The following CTNNA3 variants were observed in gnomAD, a reference collection of about 807,000 sequenced individuals.
The protein encoded by CTNNA3 is catenin alpha 3.
In CTNNA3, 76 loss-of-function variants were observed where a neutral mutation model predicts 95.7. That is an observed-to-expected ratio of 0.79 (90% CI 0.66 to 0.96). The LOEUF (loss-of-function observed/expected upper bound fraction) is 0.96, where lower values mean the gene tolerates loss of function less well. CTNNA3 is among the 40% of genes least tolerant of loss of function. CTNNA3 has a pLI of 0.00. For missense variants in CTNNA3, 1,191 were observed against 1,089.8 expected (o/e 1.09, Z -1.31); for synonymous variants, 431 against 374.4 (o/e 1.15, Z -1.74).
intron 13 of CTNNA3, among the ~76,000 whole-genome samples, chr10:66,270,841 G>A (rs1476679050): frequency 2.0e-5 from 3 of 152,158 alleles, no homozygotes; most frequent in East Asian, 3.9e-4. Flanking sequence ...GCCTGTCTGA[G>A]GAATTAGGGG....
chr10:66,487,418 G>T (rs891711594), intron 11 of CTNNA3, among the ~76,000 whole-genome samples: 1 of 151,610 alleles, frequency 6.6e-6, no homozygotes, highest in Non-Finnish European at 1.5e-5. Context: ...AGCCAGGATG[G>T]TCTCGATCTC....
intron 5 of CTNNA3, among the ~76,000 whole-genome samples, chr10:67,288,563 A>G (rs954552913): frequency 6.6e-6 from 1 of 152,224 alleles, no homozygotes; most frequent in African/African-American, 2.4e-5. Context: ...ATGTGGAACA[A>G]ACCAGCTTCC....
intron 7 of CTNNA3, among the ~76,000 whole-genome samples, chr10:66,971,771 A>C (rs144324967): frequency 1.3e-5 from 2 of 152,302 alleles, no homozygotes; most frequent in Non-Finnish European, 2.9e-5. Context: ...TACCATAAAC[A>C]TAATTTATTT....
At chr10:66,644,302 CTCTCTATATA>C (rs1564589862) in intron 9 of CTNNA3, among the ~76,000 whole-genome samples, 1 of 85,604 alleles carries the variant, frequency 1.2e-5, no homozygotes, top group African/African-American at 5.4e-5. Context: ...GTCTCTCTCT[CTCTCTATATA>C]TATATATATA....
chr10:67,092,835 T>C (rs1431829244), intron 7 of CTNNA3, among the ~76,000 whole-genome samples: 1 of 152,020 alleles, frequency 6.6e-6, no homozygotes, highest in Non-Finnish European at 1.5e-5. Context: ...GCAAATATCA[T>C]TGATGTCAAG....
At chr10:66,274,485 T>G (rs997494290) in intron 13 of CTNNA3, among the ~76,000 whole-genome samples, 1 of 152,170 alleles carries the variant, frequency 6.6e-6, no homozygotes, top group Non-Finnish European at 1.5e-5. Flanking sequence ...TAGAAATGTT[T>G]GGCAAACAGT....
chr10:67,237,808 T>G (rs2132323356), intron 5 of CTNNA3, among the ~76,000 whole-genome samples: 1 of 152,258 alleles, frequency 6.6e-6, no homozygotes, highest in Middle Eastern at 3.4e-3. Context: ...AGATGTGTAT[T>G]TACAAAGATT....
intron 11 of CTNNA3, among the ~76,000 whole-genome samples, chr10:66,471,107 T>C (rs940256445): frequency 4.0e-5 from 6 of 151,850 alleles, no homozygotes; most frequent in Non-Finnish European, 1.5e-5. Flanking sequence ...ACATCCCCCA[T>C]TGTTTATTGT....
intron 9 of CTNNA3, among the ~76,000 whole-genome samples, chr10:66,711,433 TC>T (rs1180241920): frequency 6.6e-6 from 1 of 152,060 alleles, no homozygotes; most frequent in Admixed American, 6.6e-5. Context: ...TTCCTAGGTG[TC>T]CCTCATTCAT....
chr10:67,091,221 T>C (rs1213593910), intron 7 of CTNNA3, among the ~76,000 whole-genome samples: 1 of 151,924 alleles, frequency 6.6e-6, no homozygotes, highest in Non-Finnish European at 1.5e-5. Flanking sequence ...CTTATATAAA[T>C]GAAACAGATA....
At chr10:66,252,349 A>G (rs2090593488) in intron 13 of CTNNA3, among the ~76,000 whole-genome samples, 1 of 152,176 alleles carries the variant, frequency 6.6e-6, no homozygotes, top group Non-Finnish European at 1.5e-5. Context: ...AATTAAAATA[A>G]TTACTTTTAA....
intron 11 of CTNNA3, among the ~76,000 whole-genome samples, chr10:66,448,646 G>T (rs2093441308): frequency 6.9e-6 from 1 of 145,598 alleles, no homozygotes; most frequent in Non-Finnish European, 1.5e-5. Context: ...ACGGACACAG[G>T]AAGGGGAACA....
intron 13 of CTNNA3, among the ~76,000 whole-genome samples, chr10:66,175,105 A>C (rs1241281930): frequency 1.3e-5 from 2 of 152,020 alleles, no homozygotes; most frequent in African/African-American, 4.8e-5. Flanking sequence ...AAGCTACATG[A>C]TATCTTATTT....
chr10:66,816,323 C>T (rs1842082982), intron 7 of CTNNA3, among the ~76,000 whole-genome samples: 2 of 151,978 alleles, frequency 1.3e-5, no homozygotes, highest in African/African-American at 2.4e-5. Flanking sequence ...AATTGGTAGA[C>T]GTATATTCTG....
chr10:66,597,513 T>TAC (rs1304057218), intron 10 of CTNNA3, among the ~76,000 whole-genome samples: 16 of 40,922 alleles, frequency 3.9e-4, no homozygotes, highest in African/African-American at 6.9e-4. Flanking sequence ...ATTTCATACA[T>TAC]ATATATATAT....
intron 11 of CTNNA3, among the ~76,000 whole-genome samples, chr10:66,471,117 T>C (rs1399731023): frequency 6.6e-6 from 1 of 151,886 alleles, no homozygotes; most frequent in African/African-American, 2.4e-5. Context: ...TTGTTTATTG[T>C]CCATGGTTCT....
intron 3 of CTNNA3, among the ~76,000 whole-genome samples, chr10:67,598,436 C>T (rs1842988199): frequency 6.6e-6 from 1 of 152,026 alleles, no homozygotes; most frequent in Non-Finnish European, 1.5e-5. Context: ...TCCCAACTTC[C>T]TCCCCCCTTC....
chr10:67,312,013 G>A (rs529202086), intron 5 of CTNNA3, among the ~76,000 whole-genome samples: 4 of 151,236 alleles, frequency 2.6e-5, no homozygotes, highest in Middle Eastern at 3.5e-3. Flanking sequence ...ACACCACACC[G>A]AGCTGATTTT....
rs1200860296 is a variant in CTNNA3 at position 67,108,361 on chromosome 10, T to A, written c.1047+71956A>T. ...TCTGGACAATTAAGTTACAGTTACCTCTGTGTTTATTTGGTAGGTACAAAT... is the reference window on the plus strand; with the variant it reads ...TCTGGACAATTAAGTTACAGTTACCACTGTGTTTATTTGGTAGGTACAAAT... On this transcript the variant is annotated intron_variant, in intron 7 of 17. Coordinates refer to ENST00000433211, the MANE Select transcript of CTNNA3 (RefSeq NM_013266.4). Among the ~76,000 whole-genome samples the A allele has an allele frequency of 2.0e-5, 3 of 152,296 alleles. 1 individual carries two copies. The East Asian group carries it at 5.8e-4, about 29-fold the overall frequency.
Sources: gnomAD v4.1 joint callset for allele counts (sites outside exome capture counted in the v4.1 genomes callset) on GRCh38, gnomAD v4.1.1 for gene constraint, MANE v1.5 for transcripts, NCBI Gene and HGNC (gene_info 2026-07-23, HGNC 2026-07-21) for gene names.